ARHGAP10: variants seen among roughly 807,000 people sequenced by gnomAD.
The protein encoded by ARHGAP10 is Rho GTPase activating protein 10.
In ARHGAP10, 87 loss-of-function variants were observed where a neutral mutation model predicts 108.6. That is an observed-to-expected ratio of 0.80 (90% CI 0.67 to 0.96). The LOEUF (loss-of-function observed/expected upper bound fraction) is 0.96. Ranked by LOEUF, ARHGAP10 falls within the 40% of genes least tolerant of loss-of-function variation. The pLI is 0.00. For missense variants in ARHGAP10, 939 were observed against 954.5 expected, an observed-to-expected ratio of 0.98 and a Z score of 0.21; for synonymous variants, 347 against 341.1, an observed-to-expected ratio of 1.02 and a Z score of -0.19.
chr4:147,791,533 TGC>T (rs900795522), intron 1 of ARHGAP10, among the ~76,000 whole-genome samples: 3 of 151,714 alleles, frequency 2.0e-5, no homozygotes, highest in African/African-American at 4.9e-5. Flanking sequence ...TGTGTGTGTG[TGC>T]GCGCGCGTGC....
intron 18 of ARHGAP10, among the ~76,000 whole-genome samples, chr4:148,013,585 G>A (rs1313964892): frequency 6.6e-6 from 1 of 152,168 alleles, no homozygotes; most frequent in African/African-American, 2.4e-5. Flanking sequence ...CTACTTGGGA[G>A]GCTGAGGCAG....
intron 19 of ARHGAP10, among the ~76,000 whole-genome samples, chr4:148,041,298 A>G (rs905669218): frequency 4.6e-5 from 7 of 152,222 alleles, no homozygotes; most frequent in Admixed American, 1.3e-4. Flanking sequence ...TGCCCAAAAA[A>G]TCTTCAGCTA....
At chr4:147,892,449 A>C (rs1258904086) in intron 10 of ARHGAP10, among the ~76,000 whole-genome samples, 1 of 152,168 alleles carries the variant, frequency 6.6e-6, no homozygotes, top group Non-Finnish European at 1.5e-5. Flanking sequence ...TGTTTTTGGC[A>C]CTGAGGATAC....
chr4:147,800,190 G>A (rs974492691), intron 1 of ARHGAP10, among the ~76,000 whole-genome samples: 6 of 152,208 alleles, frequency 3.9e-5, no homozygotes, highest in Admixed American at 3.9e-4. Flanking sequence ...TGGGGGAAAC[G>A]TAGTCTCAGG....
At chr4:148,033,817 CT>C (rs2149671815) in intron 19 of ARHGAP10, among the ~76,000 whole-genome samples, 1 of 152,316 alleles carries the variant, frequency 6.6e-6, no homozygotes, top group Admixed American at 6.5e-5. Flanking sequence ...CTGAGAATGA[CT>C]GTCTCTCACT....
chr4:147,978,033 T>C (rs181561704), intron 18 of ARHGAP10, among the ~76,000 whole-genome samples: 4 of 152,350 alleles, frequency 2.6e-5, no homozygotes, highest in Admixed American at 1.3e-4. Flanking sequence ...CCGTGGTGTA[T>C]ATGTACCACA....
intron 19 of ARHGAP10, among the ~76,000 whole-genome samples, chr4:148,032,810 A>G (rs1306287990): frequency 4.6e-5 from 7 of 152,176 alleles, no homozygotes; most frequent in Admixed American, 2.0e-4. Flanking sequence ...GTGTAAGTCC[A>G]GGAGTCCAAA....
At chr4:147,789,880 G>A (rs1731048896) in intron 1 of ARHGAP10, among the ~76,000 whole-genome samples, 1 of 152,036 alleles carries the variant, frequency 6.6e-6, no homozygotes, top group African/African-American at 2.4e-5. Flanking sequence ...ATGTGTGGGA[G>A]TCTCATCAGC....
intron 1 of ARHGAP10, among the ~76,000 whole-genome samples, chr4:147,805,975 C>T (rs1731767009): frequency 6.6e-6 from 1 of 152,070 alleles, no homozygotes; most frequent in Admixed American, 6.5e-5. Context: ...TAAAAAGAAG[C>T]CCATGTTTGT....
At chr4:147,741,693 A>G (rs968154962) in intron 1 of ARHGAP10, among the ~76,000 whole-genome samples, 1 of 152,038 alleles carries the variant, frequency 6.6e-6, no homozygotes, top group South Asian at 2.1e-4. Flanking sequence ...CTTTATAAAC[A>G]CATACACACA....
intron 3 of ARHGAP10, among the ~76,000 whole-genome samples, chr4:147,829,647 T>G (rs903292190): frequency 6.6e-6 from 1 of 152,160 alleles, no homozygotes; most frequent in Non-Finnish European, 1.5e-5. Flanking sequence ...GGCTGTGTGG[T>G]GTGTTGCTGC....
At chr4:147,978,228 A>C (rs1389662714) in intron 18 of ARHGAP10, among the ~76,000 whole-genome samples, 1 of 152,264 alleles carries the variant, frequency 6.6e-6, no homozygotes, top group East Asian at 1.9e-4. Context: ...TTCTATTTTT[A>C]GTTCTTTGAG....
intron 19 of ARHGAP10, among the ~76,000 whole-genome samples, chr4:148,026,165 T>C (rs1741757117): frequency 6.6e-6 from 1 of 152,214 alleles, no homozygotes. Flanking sequence ...GTTTGTGGTA[T>C]GTTATTTCTT....
At chr4:148,050,796 C>T (rs1319268560) in intron 20 of ARHGAP10, among the ~76,000 whole-genome samples, 2 of 152,176 alleles carry the variant, frequency 1.3e-5, no homozygotes, top group African/African-American at 4.8e-5. Context: ...ATTGTATGTT[C>T]TCTTCTTGTC....
At chr4:148,045,470 A>G (rs1202166947) in intron 19 of ARHGAP10, among the ~76,000 whole-genome samples, 3 of 152,096 alleles carry the variant, frequency 2.0e-5, no homozygotes, top group African/African-American at 7.2e-5. Flanking sequence ...GGCTGGGTGC[A>G]GTGGCTCACG....
At chr4:147,945,076 G>T (rs1002098870) in intron 14 of ARHGAP10, among the ~76,000 whole-genome samples, 1 of 152,120 alleles carries the variant, frequency 6.6e-6, no homozygotes, top group Non-Finnish European at 1.5e-5. Context: ...GGTATGGCTG[G>T]GCCAGGTTGT....
At chr4:147,814,974 C>T (rs143144531) in intron 1 of ARHGAP10, among the ~76,000 whole-genome samples, 3 of 152,254 alleles carry the variant, frequency 2.0e-5, no homozygotes, top group East Asian at 3.9e-4. Flanking sequence ...ACCATAGCAC[C>T]CATTAAACCA....
intron 3 of ARHGAP10, among the ~76,000 whole-genome samples, chr4:147,846,172 C>G (rs1733621693): frequency 6.6e-6 from 1 of 152,052 alleles, no homozygotes; most frequent in South Asian, 2.1e-4. Flanking sequence ...TTTGAGTGTT[C>G]CCTACGTTAG....
At chr4:147,909,581 T>C (rs1736648551) in intron 11 of ARHGAP10, 151 bp from the exon 12 acceptor site, 4 of 639,864 alleles carry the variant, frequency 6.3e-6, no homozygotes, top group Non-Finnish European at 1.1e-5. Flanking sequence ...TGTCAGGAAG[T>C]GGGGATGCAG....
Sources: allele counts gnomAD v4.1 joint callset (sites outside exome capture counted in the v4.1 genomes callset), GRCh38; gene constraint gnomAD v4.1.1; transcripts MANE v1.5; gene names NCBI Gene and HGNC (gene_info 2026-07-23, HGNC 2026-07-21).